The following DGLUCY variants were observed in gnomAD, a reference collection of about 807,000 sequenced individuals.
DGLUCY encodes D-glutamate cyclase, also known as D-glutamate cyclase, mitochondrial.
A neutral mutation model predicts 58.5 loss-of-function variants in DGLUCY; 58 were observed. The ratio of observed to expected loss-of-function variants is 0.99; its 90% CI spans 0.80 to 1.23. DGLUCY has a LOEUF of 1.23. DGLUCY is among the 50% of genes most tolerant of loss of function. DGLUCY has a pLI of 0.00. For missense variants in DGLUCY, 779 were observed against 784.7 expected, an observed-to-expected ratio of 0.99 and a Z score of 0.09; for synonymous variants, 325 against 314.1, an observed-to-expected ratio of 1.03 and a Z score of -0.37.
upstream of DGLUCY, among the ~76,000 whole-genome samples, chr14:91,105,773 A>C (rs1316674964): frequency 1.3e-5 from 2 of 152,328 alleles, no homozygotes; most frequent in East Asian, 3.9e-4. Context: ...GTTCTGAGAA[A>C]GGCATGATTA....
intron 2 of DGLUCY, among the ~76,000 whole-genome samples, chr14:91,159,917 G>A (rs539853227): frequency 3.3e-5 from 5 of 152,300 alleles, no homozygotes; most frequent in African/African-American, 1.2e-4. Flanking sequence ...AGGGAGTTCA[G>A]AGTCAAGTAG....
At chr14:91,116,793 A>G (rs1423327331) in intron 1 of DGLUCY, among the ~76,000 whole-genome samples, 1 of 152,038 alleles carries the variant, frequency 6.6e-6, no homozygotes, top group Non-Finnish European at 1.5e-5. Context: ...AAAATACAAA[A>G]ATTAGCTGGG....
upstream of DGLUCY, among the ~76,000 whole-genome samples, chr14:91,110,046 C>G (rs948323498): frequency 6.6e-6 from 1 of 152,174 alleles, no homozygotes; most frequent in Non-Finnish European, 1.5e-5. Flanking sequence ...AATTTCTTTT[C>G]TTTTTTTCCC....
upstream of DGLUCY, among the ~76,000 whole-genome samples, chr14:91,111,335 C>G: frequency 6.6e-6 from 1 of 150,410 alleles, no homozygotes; most frequent in Non-Finnish European, 1.5e-5. Flanking sequence ...GGCTGGAGTG[C>G]AGTGGCACCA....
intron 1 of DGLUCY, among the ~76,000 whole-genome samples, chr14:91,083,522 C>CAAA (rs761458676): frequency 0.042 from 2,199 of 52,134 alleles, 31 homozygotes; most frequent in South Asian, 0.066. Context: ...GATTCCGTCT[C>CAAA]AAAAAAAAAA....
chr14:91,223,202 T>C (rs1174044633), intron 13 of DGLUCY, among the ~76,000 whole-genome samples: 1 of 152,206 alleles, frequency 6.6e-6, no homozygotes, highest in Non-Finnish European at 1.5e-5. Flanking sequence ...CATCCTGTAC[T>C]ATGACTACCT....
intron 9 of DGLUCY, among the ~76,000 whole-genome samples, chr14:91,192,673 G>A (rs1377765904): frequency 1.3e-5 from 2 of 152,030 alleles, no homozygotes; most frequent in African/African-American, 4.8e-5. Flanking sequence ...GGTGGCTGGT[G>A]CACACCTGTA....
chr14:91,156,514 A>G (rs116827606), intron 1 of DGLUCY, among the ~76,000 whole-genome samples: 2,323 of 152,274 alleles, frequency 0.015, 58 homozygotes, highest in African/African-American at 0.053. Flanking sequence ...TGCTTGGGTA[A>G]ACAGAGAAAT....
upstream of DGLUCY, among the ~76,000 whole-genome samples, chr14:91,104,818 C>G (rs1055015345): frequency 6.6e-6 from 1 of 152,174 alleles, no homozygotes; most frequent in East Asian, 1.9e-4. Flanking sequence ...AGTCCCAGCT[C>G]TCAGCTTCCC....
intron 2 of DGLUCY, among the ~76,000 whole-genome samples, chr14:91,159,993 G>C (rs1038813815): frequency 6.6e-6 from 1 of 152,166 alleles, no homozygotes; most frequent in Non-Finnish European, 1.5e-5. Flanking sequence ...AGACTCTGCA[G>C]CTCCCGAGGA....
intron 1 of DGLUCY, among the ~76,000 whole-genome samples, chr14:91,093,623 G>T (rs1214989559): frequency 6.6e-6 from 1 of 152,018 alleles, no homozygotes; most frequent in African/African-American, 2.4e-5. Context: ...TGGCCAACAT[G>T]GCAAAACCCT....
Position 91,124,178 on chromosome 14 carries a change from G to A in DGLUCY, c.-82+9895G>A, listed in dbSNP as rs139519712. ...CCTGACCTCGTGATCCACCCACCTC[G>A]GCCTCCCAAAGTGCTGGGATTACAG... On this transcript the variant is annotated intron_variant, in intron 1 of 13. Transcript: ENST00000256324. Among the ~76,000 whole-genome samples the A allele has an allele frequency of 4.9e-3, 751 of 152,020 alleles. 4 individuals are homozygous for A. The highest frequency in any genetic ancestry group is 0.016 in the African/African-American group (684 of 41,476).
At chr14:91,123,131 G>C (rs76967419) in intron 1 of DGLUCY, among the ~76,000 whole-genome samples, 62 of 152,254 alleles carry the variant, frequency 4.1e-4, no homozygotes, top group Admixed American at 2.7e-3. Flanking sequence ...TTAGTTACTA[G>C]TGACGGCCAC....
chr14:91,181,925 G>A (rs1373723686), intron 8 of DGLUCY, among the ~76,000 whole-genome samples: 4 of 151,556 alleles, frequency 2.6e-5, no homozygotes, highest in African/African-American at 4.8e-5. Flanking sequence ...GTTTACAAGC[G>A]TGAGCCACCA....
intron 12 of DGLUCY, among the ~76,000 whole-genome samples, chr14:91,208,267 T>C (rs1344454963): frequency 6.6e-6 from 1 of 152,322 alleles, no homozygotes; most frequent in African/African-American, 2.4e-5. Flanking sequence ...GACTTGAATC[T>C]ACATAAAGAA....
At chr14:91,079,199 C>T (rs2044083296) in intron 1 of DGLUCY, among the ~76,000 whole-genome samples, 1 of 151,968 alleles carries the variant, frequency 6.6e-6, no homozygotes, top group African/African-American at 2.4e-5. Context: ...CCACCACGCC[C>T]AGCCTTATTT....
upstream of DGLUCY, among the ~76,000 whole-genome samples, chr14:91,112,812 G>A (rs1162793128): frequency 1.3e-5 from 2 of 151,842 alleles, no homozygotes; most frequent in Non-Finnish European, 2.9e-5. Context: ...GAGGTCAGGA[G>A]ATTGACACCA....
At chr14:91,189,287 G>A in intron 9 of DGLUCY, 117 bp downstream of exon 9, 8 of 1,331,832 alleles carry the variant, frequency 6.0e-6, no homozygotes, top group Non-Finnish European at 7.3e-6. Flanking sequence ...CAACTCCGTT[G>A]TAAGCTGCAT....
chr14:91,069,797 CTCTT>C (rs1206047664), intron 1 of DGLUCY, among the ~76,000 whole-genome samples: 1 of 115,516 alleles, frequency 8.7e-6, no homozygotes, highest in African/African-American at 3.3e-5. Flanking sequence ...AATGATATGC[CTCTT>C]TTTTTTTTTT....
Sources: allele counts gnomAD v4.1 joint callset (sites outside exome capture counted in the v4.1 genomes callset), GRCh38; gene constraint gnomAD v4.1.1; transcripts MANE v1.5; gene names NCBI Gene and HGNC (gene_info 2026-07-23, HGNC 2026-07-21).